Variants in FAT2 observed in about 807,000 individuals in gnomAD.
FAT2 encodes the protein protocadherin Fat 2.
In FAT2, 150 loss-of-function variants were observed where a neutral mutation model predicts 295.3. That is an observed-to-expected ratio of 0.51 (90% CI 0.44 to 0.58). The LOEUF is 0.58. FAT2 is among the 20% of genes least tolerant of loss of function. FAT2 has a pLI of 0.00. For synonymous variants in FAT2, 2,026 were observed against 2,150.3 expected, an observed-to-expected ratio of 0.94 and a Z score of 1.60; for missense variants, 4,868 against 5,442.7, an observed-to-expected ratio of 0.89 and a Z score of 3.32.
rs940640473 is a variant in FAT2 at position 151,543,239 on chromosome 5, C to T, written c.7888G>A (p.Val2630Ile). Residue 2630 changes from valine to isoleucine, a missense_variant, in exon 10 of 24, where the codon GTT becomes ATT. Transcript: ENST00000261800. ...GGGTTAATTTCAATGACATCTTTAACTAGGTCCTCTGGGTTCACTGAGTAG... is the reference window on the plus strand; with the variant it reads ...GGGTTAATTTCAATGACATCTTTAATTAGGTCCTCTGGGTTCACTGAGTAG... ...VTYSVNPEDL[V>I]KDVIEINPVT... The T allele has an allele frequency of 6.2e-7, 1 of 1,614,212 alleles. No individual in the cohort carries two copies. Among genetic ancestry groups the T allele is most frequent in the Non-Finnish European group, 8.5e-7 (1 of 1,180,042 alleles).
In FAT2 at chr5:151,549,374, G is replaced by C. The variant is rs139005657; in HGVS notation, c.4710C>G (p.Pro1570=). The part of the protein sequence containing the change: ...YEASVPDTIA[P]GTELLQVRAM... ...CTCGGACCTGCAGCAGCTCTGTGCCGGGGGCTATGGTGTCAGGAACACTTG... is the reference window on the plus strand; with the variant it reads ...CTCGGACCTGCAGCAGCTCTGTGCCCGGGGCTATGGTGTCAGGAACACTTG... Residue 1570 remains proline (P), a synonymous_variant, in exon 9 of 24, where the codon CCC becomes CCG. Transcript: ENST00000261800. The C allele has an allele frequency of 1.2e-6, 2 of 1,613,920 alleles. No homozygotes were observed. The highest frequency in any genetic ancestry group is 3.3e-5 in the Admixed American group (2 of 60,000).
chr5:151,581,513 C>A (rs529003541), intron 1 of FAT2, among the ~76,000 whole-genome samples: 1 of 152,176 alleles, frequency 6.6e-6, no homozygotes, highest in Non-Finnish European at 1.5e-5. Context: ...TTTGGAACTA[C>A]GGAGTGCTTG....
rs753722380 is a variant in FAT2 at position 151,510,060 on chromosome 5, C to A, written c.12020G>T (p.Gly4007Val). The A allele has an allele frequency of 5.0e-6, 8 of 1,614,114 alleles. No individual in the cohort carries two copies. Among genetic ancestry groups the A allele is most frequent in the South Asian group, 2.2e-5 (2 of 91,074 alleles). ...EGGTCILSPK[G>V]ASCNCPHPYT... is the part of the protein sequence containing the mutation. The stretch of plus-strand genomic sequence containing the variant: ...AGGATGAGGGCAGTTACAGGAAGCT[C>A]CTTTGGGGGAGAGGATGCAAGTTCC... Residue 4007 changes from glycine to valine, a missense_variant, in exon 22 of 24, where the codon GGA (glycine) becomes GTA (valine). Around this residue, in one of 5 missense-constraint regions of FAT2, gnomAD observed 492 missense variants for 482.6 expected, o/e 1.02. Transcript: ENST00000261800.
intron 22 of FAT2, among the ~76,000 whole-genome samples, chr5:151,507,906 T>C (rs1237075131): frequency 1.3e-5 from 2 of 152,180 alleles, no homozygotes; most frequent in Non-Finnish European, 2.9e-5. Context: ...AGGTCGGATT[T>C]CCTCCCATAT....
Position 151,507,146 on chromosome 5 carries a change from A to G in FAT2, c.12517+8T>C, listed in dbSNP as rs377690143. 3.2e-6 allele frequency: 5 copies of G among 1,568,936 alleles called. No individual in the cohort carries two copies. The highest frequency in any genetic ancestry group is 1.8e-5 in the Admixed American group (1 of 56,562). ...TCCCAGAGGCTAAGCGTCTCTGGCT[A>G]TACTGACCCATCTCCTCGCTGGACC... On this transcript the variant is annotated splice_region_variant and intron_variant, in intron 23 of 23. Coordinates refer to ENST00000261800, the MANE Select transcript of FAT2 (RefSeq NM_001447.3).
chr5:151,545,778 G>A lies in FAT2; in HGVS notation c.5349C>T (p.Asn1783=). ...TGTCAGAGGCATGAATCACAAAGGG[G>A]TTGTTGTTTTTATCCATGATCATGC... ...LYSMIMDKNN[N]PFVIHASDSD... Residue 1783 remains asparagine (N), a synonymous_variant, in exon 10 of 24, where the codon AAC becomes AAT. Transcript: ENST00000261800. 3 of 1,614,164 alleles carry A rather than the reference G, an allele frequency of 1.9e-6. No individual in the cohort carries two copies. The highest frequency in any genetic ancestry group is 2.5e-6 in the Non-Finnish European group (3 of 1,180,026).
At chr5:151,556,444 T>C in intron 3 of FAT2, 42 bp from the exon 4 acceptor site, 1 of 1,450,086 alleles carries the variant, frequency 6.9e-7, no homozygotes, top group South Asian at 1.2e-5. Context: ...GCAGAAGACT[T>C]TCAGGGCCAC....
Position 151,566,993 on chromosome 5 carries a change from T to G in FAT2, c.1939A>C (p.Asn647His), listed in dbSNP as rs1758303404. The stretch of plus-strand genomic sequence containing the variant: ...TTCAAAGTTGTGGGTGAGGCATAGT[T>G]TTTGCCATCTGAGGCTGTAATCTTC... ...SLKITASDGK[N>H]YASPTTLNIT... The change falls in exon 2 of 24, where the codon AAC becomes CAC. Residue 647 changes from asparagine (N) to histidine (H), a missense_variant. Asn to His is a moderately conservative substitution (Grantham distance 68). Transcript: ENST00000261800. 6.2e-7 allele frequency: 1 copy of G among 1,614,092 alleles called. No homozygotes were observed. The highest frequency in any genetic ancestry group is 1.7e-5 in the Admixed American group (1 of 60,022).
rs1277065029 is a variant in FAT2 at position 151,568,499 on chromosome 5, T to C, written c.433A>G (p.Lys145Glu). 5 of 1,613,968 alleles carry C rather than the reference T, an allele frequency of 3.1e-6. No homozygotes were observed. Among genetic ancestry groups the C allele is most frequent in the Non-Finnish European group, 4.2e-6 (5 of 1,180,026 alleles). Residue 145 changes from lysine to glutamate, a missense_variant, in exon 2 of 24, where the codon AAG becomes GAG. Lys to Glu is a moderately conservative substitution (Grantham distance 56). Coordinates refer to ENST00000261800, the MANE Select transcript of FAT2 (RefSeq NM_001447.3). ...TACGAAGGTGGAGAGAAGAGAGGCT[T>C]CAGGTCATTCTGGTCCAGGATGTGG... ...VVHILDQNDL[K>E]PLFSPPSYRV...
rs1307860113 is a variant in FAT2 at position 151,507,188 on chromosome 5, A to G, written c.12483T>C (p.Pro4161=). ...CGCTGGACCAGGTTCTCTTAATGAC[A>G]GGCTCATTGTCAGAGTGGGAAGGGA... ...AAVPSHSDNE[P]VIKRTWSSEE... Residue 4161 remains proline, a synonymous_variant, in exon 23 of 24, where the codon CCT becomes CCC. Transcript: ENST00000261800. 3 of 1,603,382 alleles carry G rather than the reference A, an allele frequency of 1.9e-6. No homozygotes were observed. Among genetic ancestry groups the G allele is most frequent in the Non-Finnish European group, 2.6e-6 (3 of 1,173,804 alleles).
At chr5:151,579,961 C>T (rs1284930528) in intron 1 of FAT2, among the ~76,000 whole-genome samples, 5 of 152,152 alleles carry the variant, frequency 3.3e-5, no homozygotes, top group African/African-American at 1.2e-4. Flanking sequence ...AGCCCCATTC[C>T]CTATGCATTG....
intron 2 of FAT2, among the ~76,000 whole-genome samples, chr5:151,565,029 C>T (rs1316296294): frequency 2.6e-5 from 4 of 152,054 alleles, no homozygotes; most frequent in Admixed American, 2.0e-4. Flanking sequence ...GAGCCGAGAT[C>T]GAACCACTTC....
chr5:151,568,719 G>A lies in FAT2; in HGVS notation c.213C>T (p.Tyr71=), dbSNP rs2127650627. The part of the protein sequence containing the change: ...YLAEPQWAVR[Y]RIISGDVANV... ...TGGCCACATCCCCAGAGATGATCCG[G>A]TACCTCACTGCCCACTGTGGCTCCG... Residue 71 remains tyrosine (Y), a synonymous_variant, in exon 2 of 24, where the codon TAC becomes TAT. Transcript: ENST00000261800. The A allele has an allele frequency of 6.2e-7, 1 of 1,614,164 alleles. No individual in the cohort carries two copies. The highest frequency in any genetic ancestry group is 8.5e-7 in the Non-Finnish European group (1 of 1,180,042).
At chr5:151,550,142 G>T (rs1757047031) in intron 8 of FAT2, among the ~76,000 whole-genome samples, 1 of 152,186 alleles carries the variant, frequency 6.6e-6, no homozygotes, top group Admixed American at 6.5e-5. Flanking sequence ...AATTTAAAGA[G>T]GCTCTGACTC....
At position 151,546,220 on chromosome 5, in the gene FAT2, C is replaced by CCTTGAT. The variant is rs1561856338; in HGVS notation, c.4901_4906dup (p.Asp1634_Gln1635dup). ...AGCCAGGTCATGCCATTGTGGGGAG[C>CCTTGAT]CTTGATCTTCTGCCTTCACTGTCAG... On this transcript the variant is annotated inframe_insertion, in exon 10 of 24. Transcript: ENST00000261800. The CCTTGAT allele has an allele frequency of 1.2e-6, 2 of 1,614,112 alleles. No individual in the cohort carries two copies. The highest frequency in any genetic ancestry group is 1.7e-6 in the Non-Finnish European group (2 of 1,180,032).
intron 19 of FAT2, 152 bp downstream of exon 19, chr5:151,521,124 G>A (rs922558267): frequency 3.4e-5 from 24 of 707,524 alleles, no homozygotes; most frequent in Non-Finnish European, 4.7e-5. Context: ...ATTTTGTGAG[G>A]CCACTAGCCG....
At chr5:151,519,284 C>T (rs910406868) in intron 19 of FAT2, among the ~76,000 whole-genome samples, 10 of 152,172 alleles carry the variant, frequency 6.6e-5, no homozygotes, top group African/African-American at 2.4e-4. Context: ...GTGGAAGTTG[C>T]AGTGAGCCAA....
In FAT2 at chr5:151,565,835, C is replaced by T. The variant is rs1758231146; in HGVS notation, c.3097G>A (p.Ala1033Thr). ...VNENLHPPHF[A>T]SFVHQGQVQE... ...ACCTGGCCCTGGTGCACGAAGGAGG[C>T]AAAGTGGGGAGGGTGGAGATTCTCA... Residue 1033 changes from alanine (A) to threonine (T), a missense_variant, in exon 2 of 24, where the codon GCC (alanine) becomes ACC (threonine). By Grantham distance (58) the Ala-to-Thr change is moderately conservative. Coordinates refer to ENST00000261800, the MANE Select transcript of FAT2 (RefSeq NM_001447.3). 1 of 1,614,026 alleles carries T rather than the reference C, an allele frequency of 6.2e-7. No individual in the cohort carries two copies. Among genetic ancestry groups the T allele is most frequent in the Non-Finnish European group, 8.5e-7 (1 of 1,180,032 alleles).
intron 8 of FAT2, among the ~76,000 whole-genome samples, chr5:151,550,143 G>T (rs979151951): frequency 2.6e-5 from 4 of 152,144 alleles, no homozygotes; most frequent in African/African-American, 9.7e-5. Flanking sequence ...ATTTAAAGAG[G>T]CTCTGACTCT....
Sources: allele counts gnomAD v4.1 joint callset (sites outside exome capture counted in the v4.1 genomes callset), GRCh38; gene constraint gnomAD v4.1.1; regional missense constraint gnomAD v4.1.1; transcripts MANE v1.5; gene names NCBI Gene and HGNC (gene_info 2026-07-23, HGNC 2026-07-21).